The following WWOX variants were observed in gnomAD, a reference collection of about 807,000 sequenced individuals.
WWOX encodes the protein WW domain containing oxidoreductase.
WWOX carries 69 observed loss-of-function variants against 46.2 expected under a neutral mutation model. That is an observed-to-expected ratio of 1.49 (90% CI 1.23 to 1.82). The LOEUF is 1.82. Ranked by LOEUF, WWOX falls within the 40% of genes most tolerant of loss-of-function variation. WWOX has a pLI of 0.00. For missense variants in WWOX, 919 were observed against 542.6 expected, an observed-to-expected ratio of 1.69 and a Z score of -6.89; for synonymous variants, 359 against 202.6, an observed-to-expected ratio of 1.77 and a Z score of -6.56.
chr16:78,521,487 AC>A lies in WWOX; in HGVS notation c.1056+88737del, dbSNP rs1305176170. On this transcript the variant is annotated intron_variant, in intron 8 of 8. Coordinates refer to ENST00000566780, the MANE Select transcript of WWOX (RefSeq NM_016373.4). ...CTCAAGTTCATATTCCAACGCCAGT[AC>A]CTGCCACCTGTGTGAAGCTGGGCTA... Among the ~76,000 whole-genome samples, 71 of 152,200 alleles carry A rather than the reference AC, an allele frequency of 4.7e-4. 1 individual carries two copies. Among genetic ancestry groups the A allele is most frequent in the African/African-American group, 1.6e-3 (67 of 41,444 alleles).
intron 8 of WWOX, chr16:78,890,709 C>G (rs72804723): frequency 0.35 from 53,573 of 152,108 alleles, 10,747 homozygotes; most frequent in Non-Finnish European, 0.44. Context: ...CTATGGGCCA[C>G]CTATACTATT....
chr16:78,579,182 T>C (rs567154625), intron 8 of WWOX, among the ~76,000 whole-genome samples: 1 of 152,220 alleles, frequency 6.6e-6, no homozygotes, highest in Non-Finnish European at 1.5e-5. Context: ...AGGAAGTCCC[T>C]ATTTGTGGGT....
rs11864835 is a variant in WWOX at position 78,784,546 on chromosome 16, T to C, written c.1056+351794T>C. On this transcript the variant is annotated intron_variant, in intron 8 of 8. Coordinates refer to ENST00000566780, the MANE Select transcript of WWOX (RefSeq NM_016373.4). ...TTATTTTATCTCTCTGAGCTCAGTC[T>C]CCTCATCTACAAAGGGGGAATTGAT... is the stretch of plus-strand genomic sequence containing the variant. Among the ~76,000 whole-genome samples the C allele has an allele frequency of 5.4e-3, 825 of 152,226 alleles. 8 individuals carry two copies. The highest frequency in any genetic ancestry group is 0.019 in the African/African-American group (792 of 41,518).
chr16:78,326,903 T>G (rs1320023254), intron 5 of WWOX, among the ~76,000 whole-genome samples: 1 of 152,164 alleles, frequency 6.6e-6, no homozygotes, highest in African/African-American at 2.4e-5. Context: ...TACTGAAGTT[T>G]CTCACCATGG....
At chr16:78,962,701 A>G (rs769251290) in intron 8 of WWOX, among the ~76,000 whole-genome samples, 31 of 152,154 alleles carry the variant, frequency 2.0e-4, no homozygotes, top group African/African-American at 4.8e-4. Context: ...GTACAGTTCA[A>G]TGAACTCATA....
At chr16:78,494,742 C>T (rs1165657384) in intron 8 of WWOX, among the ~76,000 whole-genome samples, 1 of 152,140 alleles carries the variant, frequency 6.6e-6, no homozygotes, top group Admixed American at 6.5e-5. Flanking sequence ...TGAGTCAGCA[C>T]ATTGAGCGTT....
At chr16:78,260,590 C>A (rs945197032) in intron 5 of WWOX, among the ~76,000 whole-genome samples, 8 of 150,916 alleles carry the variant, frequency 5.3e-5, no homozygotes, top group African/African-American at 1.7e-4. Context: ...ATCACTTGAA[C>A]CTGGGAGGTG....
chr16:78,358,653 G>A (rs929028558), intron 5 of WWOX, among the ~76,000 whole-genome samples: 3 of 142,372 alleles, frequency 2.1e-5, no homozygotes, highest in African/African-American at 8.0e-5. Context: ...GCAAGACTCC[G>A]TGTCAAAAAA....
Position 78,530,582 on chromosome 16 carries a change from T to C in WWOX, c.1056+97830T>C, listed in dbSNP as rs149618721. Reference sequence around the variant, plus strand: ...GCCTGGGGTTTTTATGGGTACAGGATTGGGGGCAGGCCGGGCCATGGGTGG... The same window carrying C: ...GCCTGGGGTTTTTATGGGTACAGGACTGGGGGCAGGCCGGGCCATGGGTGG... On this transcript the variant is annotated intron_variant, in intron 8 of 8. Transcript: ENST00000566780. Among the ~76,000 whole-genome samples, 214 of 152,188 alleles carry C rather than the reference T, an allele frequency of 1.4e-3. 1 individual carries two copies. The highest frequency in any genetic ancestry group is 4.8e-3 in the African/African-American group (201 of 41,522).
intron 8 of WWOX, among the ~76,000 whole-genome samples, chr16:78,858,867 T>TG (rs1035942786): frequency 2.6e-5 from 4 of 150,982 alleles, no homozygotes; most frequent in Non-Finnish European, 5.9e-5. Context: ...TTTTTGTAGT[T>TG]GGGGTCTCAC....
intron 8 of WWOX, among the ~76,000 whole-genome samples, chr16:78,455,933 C>T (rs1024537524): frequency 1.3e-5 from 2 of 152,130 alleles, no homozygotes; most frequent in Admixed American, 1.3e-4. Flanking sequence ...TTTTAATCTC[C>T]TGTGCACTTA....
intron 8 of WWOX, among the ~76,000 whole-genome samples, chr16:78,884,693 T>C (rs2044416495): frequency 6.6e-6 from 1 of 152,166 alleles, no homozygotes; most frequent in Admixed American, 6.5e-5. Flanking sequence ...GCATGAAGTG[T>C]CCTCCGTCAT....
At chr16:78,967,552 A>G (rs1278468706) in intron 8 of WWOX, among the ~76,000 whole-genome samples, 2 of 140,882 alleles carry the variant, frequency 1.4e-5, no homozygotes, top group East Asian at 2.2e-4. Flanking sequence ...TGATCCACCC[A>G]TCTTGGCCTC....
intron 4 of WWOX, chr16:78,124,197 C>G (rs1378012444): frequency 6.6e-6 from 1 of 151,870 alleles, no homozygotes; most frequent in Non-Finnish European, 1.5e-5. Context: ...AACTTTTTCT[C>G]TTTTGAAAAT....
At chr16:79,198,940 T>C (rs1042287422) in intron 8 of WWOX, among the ~76,000 whole-genome samples, 6 of 152,242 alleles carry the variant, frequency 3.9e-5, no homozygotes, top group African/African-American at 1.4e-4. Flanking sequence ...CTATTTATCA[T>C]AGTGCAGTTG....
intron 8 of WWOX, among the ~76,000 whole-genome samples, chr16:79,137,565 GTGTT>G (rs1016685443): frequency 4.1e-4 from 62 of 152,274 alleles, no homozygotes; most frequent in African/African-American, 1.3e-3. Flanking sequence ...TTTTTAGAGA[GTGTT>G]TGTCTGTTAG....
chr16:78,917,692 C>G (rs2045284228), intron 8 of WWOX, among the ~76,000 whole-genome samples: 2 of 152,066 alleles, frequency 1.3e-5, no homozygotes. Flanking sequence ...GCTGTGACTA[C>G]TCGTGGGCAG....
chr16:78,991,859 A>T (rs1452917427), intron 8 of WWOX, among the ~76,000 whole-genome samples: 3 of 152,118 alleles, frequency 2.0e-5, no homozygotes, highest in Non-Finnish European at 2.9e-5. Context: ...ACTCCTGTCC[A>T]TGTGGGGCCC....
At chr16:79,095,402 T>C (rs2049047836) in intron 8 of WWOX, among the ~76,000 whole-genome samples, 1 of 152,110 alleles carries the variant, frequency 6.6e-6, no homozygotes, top group African/African-American at 2.4e-5. Flanking sequence ...ATGGAGAAAT[T>C]GAGGCACGGA....
Sources: allele counts gnomAD v4.1 joint callset (sites outside exome capture counted in the v4.1 genomes callset), GRCh38; gene constraint gnomAD v4.1.1; transcripts MANE v1.5; gene names NCBI Gene and HGNC (gene_info 2026-07-23, HGNC 2026-07-21).